CHAC2: variants seen among roughly 807,000 people sequenced by gnomAD.
CHAC2 encodes glutathione-specific gamma-glutamylcyclotransferase 2.
CHAC2 carries 20 observed loss-of-function variants against 16.9 expected under a neutral mutation model. The observed-to-expected ratio is 1.18, with a 90% CI of 0.83 to 1.72. The LOEUF is 1.72. Among genes scored for constraint, CHAC2 ranks in the 40% most tolerant of loss-of-function variants. The pLI, the probability that CHAC2 is intolerant of heterozygous loss-of-function variation, is 0.00. For missense variants in CHAC2, 269 were observed against 222.2 expected, an observed-to-expected ratio of 1.21 and a Z score of -1.34; for synonymous variants, 91 against 77.3, an observed-to-expected ratio of 1.18 and a Z score of -0.93.
At position 53,774,729 on chromosome 2, in the gene CHAC2, A is replaced by G; in HGVS notation, c.*204A>G. 1 of 442,836 alleles carries G rather than the reference A, an allele frequency of 2.3e-6. No individual in the cohort carries two copies. The highest frequency in any genetic ancestry group is 3.9e-6 in the Non-Finnish European group (1 of 256,072). The allele number at this position is 442,836 out of a possible 1,614,324, so 27.4% of individuals were successfully genotyped here. ...AATAACATAAAGATTTCCTAACTTT[A>G]TGTTATTGAACACTTACTCACTAGA... is the stretch of plus-strand genomic sequence containing the variant. On this transcript the variant is annotated 3_prime_UTR_variant, in exon 3 of 3. Transcript: ENST00000295304.
At chr2:53,770,605 T>C (rs1054636793) in intron 1 of CHAC2, among the ~76,000 whole-genome samples, 1 of 152,048 alleles carries the variant, frequency 6.6e-6, no homozygotes, top group Admixed American at 6.6e-5. Flanking sequence ...AGGCTTTCCA[T>C]TTATAAGCAA....
At chr2:53,770,932 CATA>C (rs1261247189) in intron 1 of CHAC2, among the ~76,000 whole-genome samples, 2 of 152,194 alleles carry the variant, frequency 1.3e-5, no homozygotes, top group Non-Finnish European at 2.9e-5. Flanking sequence ...AAGAACACTT[CATA>C]ACTCAGAAGT....
intron 1 of CHAC2, chr2:53,768,232 C>A: frequency 5.4e-6 from 3 of 558,224 alleles, no homozygotes; most frequent in East Asian, 3.1e-5. Flanking sequence ...CTTAAGATGC[C>A]GGTGGTTAGT....
At position 53,774,775 on chromosome 2, in the gene CHAC2, A is replaced by ACAGTGAAGGACT. The variant is rs1416915256; in HGVS notation, c.*255_*266dup. 3.1e-6 allele frequency: 1 copy of ACAGTGAAGGACT among 326,668 alleles called. No individual in the cohort carries two copies. The highest frequency in any genetic ancestry group is 5.5e-6 in the Non-Finnish European group (1 of 181,160). The allele number at this position is 326,668 out of a possible 1,614,324, so 20.2% of individuals were successfully genotyped here. A position where few individuals can be genotyped will look rare whatever the true frequency, so the allele number is the denominator to read the frequency against. Reference sequence around the variant, plus strand: ...CTAGAAGTGAGTTCTTTAGAAAAATACAGTGAAGGACTCAGTTCAGTCTTG... The same window carrying ACAGTGAAGGACT: ...CTAGAAGTGAGTTCTTTAGAAAAATACAGTGAAGGACTCAGTGAAGGACTCAGTTCAGTCTTG... On this transcript the variant is annotated 3_prime_UTR_variant, in exon 3 of 3. Coordinates refer to ENST00000295304, the MANE Select transcript of CHAC2 (RefSeq NM_001008708.4).
intron 2 of CHAC2, among the ~76,000 whole-genome samples, chr2:53,772,543 C>A (rs1250209201): frequency 6.6e-6 from 1 of 151,872 alleles, no homozygotes; most frequent in Admixed American, 6.6e-5. Flanking sequence ...AACGGAAATA[C>A]CTGCCCCCGA....
chr2:53,774,756 G>A lies in CHAC2; in HGVS notation c.*231G>A, dbSNP rs1674215882. 5.5e-6 allele frequency: 2 copies of A among 364,164 alleles called. No individual in the cohort carries two copies. The highest frequency in any genetic ancestry group is 7.4e-5 in the South Asian group (1 of 13,520). 22.6% of individuals were successfully genotyped at this position (364,164 alleles called of 1,614,324 possible). The stretch of plus-strand genomic sequence containing the variant: ...GTTATTGAACACTTACTCACTAGAA[G>A]TGAGTTCTTTAGAAAAATACAGTGA... On this transcript the variant is annotated 3_prime_UTR_variant, in exon 3 of 3. Coordinates refer to ENST00000295304, the MANE Select transcript of CHAC2 (RefSeq NM_001008708.4).
At chr2:53,768,195 C>G in intron 1 of CHAC2, 174 bp downstream of exon 1, 3 of 725,118 alleles carry the variant, frequency 4.1e-6, no homozygotes, top group Non-Finnish European at 6.5e-6. Context: ...CATCTCTAAC[C>G]CAGCCCGGGC....
rs1407152595 is a variant in CHAC2, at chr2:53,768,037, G to C, written c.135+16G>C. The C allele has an allele frequency of 1.2e-6, 2 of 1,611,766 alleles. No individual in the cohort carries two copies. The highest frequency in any genetic ancestry group is 4.5e-5 in the East Asian group (2 of 44,880). ...CCCCGGCAAGGTGAGGCGCCGGTCA[G>C]CTCCCCACACTTACTGCCCCCTGAC... On this transcript the variant is annotated intron_variant, in intron 1 of 2. Transcript: ENST00000295304.
chr2:53,768,294 T>C (rs1673642270), intron 1 of CHAC2: 2 of 402,218 alleles, frequency 5.0e-6, no homozygotes. Flanking sequence ...CGCACCAGGC[T>C]GAGTGCGGAG....
At position 53,771,917 on chromosome 2, in the gene CHAC2, T is replaced by A. The variant is rs775211166; in HGVS notation, c.146T>A (p.Val49Asp). The A allele has an allele frequency of 1.3e-6, 2 of 1,566,646 alleles. No homozygotes were observed. Among genetic ancestry groups the A allele is most frequent in the Admixed American group, 1.8e-5 (1 of 54,450 alleles). The change falls in exon 2 of 3, where the codon GTT becomes GAT. Residue 49 changes from valine to aspartate, a missense_variant. Coordinates refer to ENST00000295304, the MANE Select transcript of CHAC2 (RefSeq NM_001008708.4). ...ACCTTTTTAAAACAGCCTGGAAGAG[T>A]TGTGACTCTTGTTGAAGATCCTGCG... The part of the protein sequence containing the change: ...HRGVPGKPGR[V>D]VTLVEDPAGC...
At chr2:53,770,911 T>C (rs1428364546) in intron 1 of CHAC2, among the ~76,000 whole-genome samples, 1 of 152,190 alleles carries the variant, frequency 6.6e-6, no homozygotes. Context: ...CATTACCATA[T>C]ACAGAAAGGT....
chr2:53,774,223 G>A lies in CHAC2; in HGVS notation c.253G>A (p.Gly85Arg). Residue 85 changes from glycine to arginine, a missense_variant, in exon 3 of 3, where the codon GGA (glycine) becomes AGA (arginine). Coordinates refer to ENST00000295304, the MANE Select transcript of CHAC2 (RefSeq NM_001008708.4). ...VKAYLDFREKGGYRTTTVIFY... is the reference protein window; with the variant it reads ...VKAYLDFREKRGYRTTTVIFY... ...AGCATACCTTGACTTCAGAGAAAAA[G>A]GAGGCTACAGAACCACAACAGTCAT... 1 of 1,614,034 alleles carries A rather than the reference G, an allele frequency of 6.2e-7. No homozygotes were observed. The highest frequency in any genetic ancestry group is 8.5e-7 in the Non-Finnish European group (1 of 1,179,992).
Position 53,768,939 on chromosome 2 carries a change from A to C in CHAC2, c.135+918A>C, listed in dbSNP as rs146828952. ...AGATCAAGGCGCTAAAGTAGTTTGC[A>C]CCTGCTCATAAGAGAGACATGGGAT... On this transcript the variant is annotated intron_variant, in intron 1 of 2. Coordinates refer to ENST00000295304, the MANE Select transcript of CHAC2 (RefSeq NM_001008708.4). 3.4e-3 allele frequency among the ~76,000 whole-genome samples: 521 copies of C among 152,342 alleles called. 5 individuals carry two copies. The highest frequency in any genetic ancestry group is 0.012 in the African/African-American group (500 of 41,586).
chr2:53,768,493 T>C (rs1673657953), intron 1 of CHAC2, among the ~76,000 whole-genome samples: 1 of 152,258 alleles, frequency 6.6e-6, no homozygotes, highest in Non-Finnish European at 1.5e-5. Context: ...AACGTGCATG[T>C]TACTTCTAGG....
chr2:53,767,842 G>T lies in CHAC2; in HGVS notation c.-45G>T. ...AGGCTTCAGTCCCCGGCGGCGCGGC[G>T]ACAGCTAGGGTTCACGGCCACTGGG... On this transcript the variant is annotated 5_prime_UTR_variant, in exon 1 of 3. Transcript: ENST00000295304. The T allele has an allele frequency of 6.4e-7, 1 of 1,565,830 alleles. No homozygotes were observed. Among genetic ancestry groups the T allele is most frequent in the Non-Finnish European group, 8.7e-7 (1 of 1,153,168 alleles).
At position 53,767,989 on chromosome 2, in the gene CHAC2, G is replaced by A; in HGVS notation, c.103G>A (p.Gly35Ser). The change falls in exon 1 of 3, where the codon GGC (glycine) becomes AGC (serine). Residue 35 changes from glycine (G) to serine (S), a missense_variant. By Grantham distance (56) the Gly-to-Ser change is moderately conservative (BLOSUM62 0). Coordinates refer to ENST00000295304, the MANE Select transcript of CHAC2 (RefSeq NM_001008708.4). ...ITNYSRRFWQ[G>S]STDHRGVPGK... ...CAACTACAGCAGGCGCTTCTGGCAGGGCAGCACGGACCACCGCGGGGTCCC... is the reference window on the plus strand; with the variant it reads ...CAACTACAGCAGGCGCTTCTGGCAGAGCAGCACGGACCACCGCGGGGTCCC... The A allele has an allele frequency of 1.2e-6, 2 of 1,611,458 alleles. No individual in the cohort carries two copies. Among genetic ancestry groups the A allele is most frequent in the East Asian group, 2.2e-5 (1 of 44,874 alleles).
At chr2:53,771,994 G>A (rs370016839) in intron 2 of CHAC2, 52 bp downstream of exon 2, 104 of 1,028,358 alleles carry the variant, frequency 1.0e-4, no homozygotes, top group African/African-American at 1.3e-4. Context: ...AAAATGTTGC[G>A]ATGTTTCTGT....
chr2:53,771,605 T>G (rs1390898526), intron 1 of CHAC2, among the ~76,000 whole-genome samples: 1 of 152,230 alleles, frequency 6.6e-6, no homozygotes, highest in African/African-American at 2.4e-5. Flanking sequence ...TCCATTTGCC[T>G]TTCATTTTAG....
chr2:53,772,616 G>C (rs1674021433), intron 2 of CHAC2, among the ~76,000 whole-genome samples: 1 of 151,482 alleles, frequency 6.6e-6, no homozygotes, highest in African/African-American at 2.4e-5. Context: ...TTTGCTACCA[G>C]TCTCATTTTC....
Sources: gnomAD v4.1 joint callset for allele counts (sites outside exome capture counted in the v4.1 genomes callset) on GRCh38, gnomAD v4.1.1 for gene constraint, MANE v1.5 for transcripts, NCBI Gene and HGNC (gene_info 2026-07-23, HGNC 2026-07-21) for gene names.